Variants in OGDHL observed in about 807,000 individuals in gnomAD.
OGDHL encodes oxoglutarate dehydrogenase L.
A neutral mutation model predicts 109.6 loss-of-function variants in OGDHL; 79 were observed. The ratio of observed to expected loss-of-function variants is 0.72; its 90% CI spans 0.60 to 0.87. The LOEUF is 0.87. Ranked by LOEUF, OGDHL falls within the 40% of genes least tolerant of loss-of-function variation. OGDHL has a pLI of 0.00. For synonymous variants in OGDHL, 528 were observed against 537.2 expected (o/e 0.98, Z 0.24); for missense variants, 1,275 against 1,362.2 (o/e 0.94, Z 1.01).
chr10:49,743,118 C>T, intron 14 of OGDHL, 140 bp from the exon 15 acceptor site: 1 of 1,137,640 alleles, frequency 8.8e-7, no homozygotes. Context: ...TGCAGGAGGG[C>T]CCAGGGCCAG....
chr10:49,745,489 T>C lies in OGDHL; in HGVS notation c.1484A>G (p.Tyr495Cys). Residue 495 changes from tyrosine to cysteine, a missense_variant, in exon 12 of 23, where the codon TAC becomes TGC. Transcript: ENST00000374103. ...NKDVVVDLVC[Y>C]RRRGHNEMDE... The stretch of plus-strand genomic sequence containing the variant: ...CATCTCATTGTGGCCACGCCGGCGG[T>C]AACAGACCTGCAGGAGCAGCCAGAG... The C allele has an allele frequency of 6.2e-7, 1 of 1,613,804 alleles. No individual in the cohort carries two copies. The highest frequency in any genetic ancestry group is 8.5e-7 in the Non-Finnish European group (1 of 1,180,012).
Position 49,744,208 on chromosome 10 carries a change from C to G in OGDHL, c.1733-86G>C, listed in dbSNP as rs188274635. 3.9e-4 allele frequency: 590 copies of G among 1,511,878 alleles called. No homozygotes were observed. In the African/African-American group the frequency reaches 7.0e-3, roughly 18 times the overall value. The allele number at this position is 1,511,878 out of a possible 1,614,324, so 93.7% of individuals were successfully genotyped here. ...AGCCTGCCTCCCCAGGACTGAGTGG[C>G]CCATGGCTTCCCAAACTCCACCGGC... is the stretch of plus-strand genomic sequence containing the variant. On this transcript the variant is annotated intron_variant, in intron 13 of 22. Coordinates refer to ENST00000374103, the MANE Select transcript of OGDHL (RefSeq NM_018245.3).
chr10:49,742,735 C>G, intron 15 of OGDHL, 93 bp downstream of exon 15: 1 of 1,456,786 alleles, frequency 6.9e-7, no homozygotes, highest in Non-Finnish European at 9.2e-7. Context: ...CTGTGAAGAT[C>G]CCACCCCAAC....
intron 3 of OGDHL, 83 bp from the exon 4 acceptor site, chr10:49,752,823 C>T: frequency 1.0e-6 from 1 of 958,370 alleles, no homozygotes; most frequent in South Asian, 1.5e-5. Context: ...GCCCCAGCCC[C>T]TCTCTTCCCA....
intron 3 of OGDHL, among the ~76,000 whole-genome samples, chr10:49,753,314 G>A (rs565609983): frequency 6.6e-6 from 1 of 152,142 alleles, no homozygotes; most frequent in South Asian, 2.1e-4. Context: ...CTAGGGGAGG[G>A]GACAAAATAG....
chr10:49,758,087 G>A (rs1029977312), intron 2 of OGDHL, among the ~76,000 whole-genome samples: 81 of 152,132 alleles, frequency 5.3e-4, no homozygotes, highest in African/African-American at 1.8e-3. Flanking sequence ...ACACAAACAC[G>A]TATGTCCCTA....
At chr10:49,745,629 G>A (rs192604970) in intron 11 of OGDHL, 133 bp from the exon 12 acceptor site, 23 of 1,321,268 alleles carry the variant, frequency 1.7e-5, no homozygotes, top group Middle Eastern at 4.5e-4. Flanking sequence ...ACCTATCACC[G>A]AATGAATGTC....
At chr10:49,745,675 C>A in intron 11 of OGDHL, 123 bp downstream of exon 11, 1 of 1,320,056 alleles carries the variant, frequency 7.6e-7, no homozygotes. Flanking sequence ...CTCTTGGTGG[C>A]ATAAATCTCT....
At position 49,758,517 on chromosome 10, in the gene OGDHL, C is replaced by T. The variant is rs1434268066; in HGVS notation, c.76G>A (p.Val26Met). Residue 26 changes from valine to methionine, a missense_variant, in exon 2 of 23, where the codon GTG becomes ATG. Coordinates refer to ENST00000374103, the MANE Select transcript of OGDHL (RefSeq NM_018245.3). ...GAGGACCTGCTGCGCCAGCCAAACA[C>T]CGGGACGTCATGTGCAGCCAGGAGC... ...ARLLAAHDVP[V>M]FGWRSRSSGP... 7 of 1,613,808 alleles carry T rather than the reference C, an allele frequency of 4.3e-6. No individual in the cohort carries two copies. Among genetic ancestry groups the T allele is most frequent in the Non-Finnish European group, 5.9e-6 (7 of 1,180,052 alleles).
chr10:49,737,979 G>A lies in OGDHL; in HGVS notation c.2485C>T (p.Arg829Cys), dbSNP rs759416739. 1.1e-5 allele frequency: 17 copies of A among 1,614,074 alleles called. No individual in the cohort carries two copies. The East Asian group carries it at 1.3e-4, about 13-fold the overall frequency. ...STPANYFHVL[R>C]RQILLPFRKP... Reference sequence around the variant, plus strand: ...CGGAAGGGCAGCAGGATCTGCCGGCGCAGCACGTGGAAGTAGTTGGCCGGT... The same window carrying A: ...CGGAAGGGCAGCAGGATCTGCCGGCACAGCACGTGGAAGTAGTTGGCCGGT... The change falls in exon 19 of 23, where the codon CGC becomes TGC. Residue 829 changes from arginine to cysteine, a missense_variant. Arg to Cys is a radical substitution (Grantham distance 180). Coordinates refer to ENST00000374103, the MANE Select transcript of OGDHL (RefSeq NM_018245.3).
intron 15 of OGDHL, among the ~76,000 whole-genome samples, chr10:49,741,279 C>T (rs1031628951): frequency 1.3e-5 from 2 of 152,136 alleles, no homozygotes; most frequent in Non-Finnish European, 2.9e-5. Flanking sequence ...TCACAAGAGG[C>T]AGAAACCACC....
rs755007386 is a variant in OGDHL at position 49,738,093 on chromosome 10, T to C, written c.2392-21A>G. The stretch of plus-strand genomic sequence containing the variant: ...AATGCCTGTGGGGACGAGATGCATA[T>C]GGCCAGGGTGGCTGTCTGCTGCACC... On this transcript the variant is annotated intron_variant, in intron 18 of 22. Coordinates refer to ENST00000374103, the MANE Select transcript of OGDHL (RefSeq NM_018245.3). The C allele has an allele frequency of 5.0e-6, 8 of 1,613,994 alleles. No homozygotes were observed. In the South Asian group the frequency reaches 8.8e-5, roughly 18 times the overall value.
intron 3 of OGDHL, among the ~76,000 whole-genome samples, chr10:49,755,295 A>G (rs747493690): frequency 6.6e-6 from 1 of 152,222 alleles, no homozygotes; most frequent in Non-Finnish European, 1.5e-5. Context: ...TGTCAACTGC[A>G]TATTTGATAT....
rs537434971 is a variant in OGDHL, at chr10:49,734,844, G to A, written c.*384C>T. ...TTCTAAGAGCACAGAAGAGAACATC[G>A]CTTTGAATCTACAGATAAGCGAGGG... On this transcript the variant is annotated 3_prime_UTR_variant, in exon 23 of 23. Coordinates refer to ENST00000374103, the MANE Select transcript of OGDHL (RefSeq NM_018245.3). 41 of 162,694 alleles carry A rather than the reference G, an allele frequency of 2.5e-4. No homozygotes were observed. Among genetic ancestry groups the A allele is most frequent in the Admixed American group, 1.3e-3 (21 of 16,084 alleles). 10.1% of individuals were successfully genotyped at this position (162,694 alleles called of 1,614,324 possible).
intron 2 of OGDHL, among the ~76,000 whole-genome samples, 194 bp from the exon 3 acceptor site, chr10:49,757,140 A>G (rs1564560834): frequency 2.0e-5 from 3 of 152,250 alleles, no homozygotes; most frequent in Admixed American, 2.0e-4. Flanking sequence ...TGTGAAAACA[A>G]CCTACATGGC....
At chr10:49,747,344 T>C (rs1318296873) in intron 8 of OGDHL, 136 bp from the exon 9 acceptor site, 2 of 900,604 alleles carry the variant, frequency 2.2e-6, no homozygotes, top group Non-Finnish European at 1.7e-6. Flanking sequence ...AAGCTGTCTC[T>C]GACCCCTCTC....
Position 49,745,804 on chromosome 10 carries a change from C to T in OGDHL, c.1470G>A (p.Val490=), listed in dbSNP as rs774959115. The T allele has an allele frequency of 3.7e-6, 6 of 1,614,032 alleles. No homozygotes were observed. Among genetic ancestry groups the T allele is most frequent in the South Asian group, 2.2e-5 (2 of 91,056 alleles). ...WRNTFNKDVV[V]DLVCYRRRGH... is the part of the protein sequence containing the mutation. ...CCTCAGTCCCCAGACCCACCAGGTC[C>T]ACGACAACATCTTTGTTGAAAGTGT... is the stretch of plus-strand genomic sequence containing the variant. Residue 490 remains valine, a synonymous_variant, in exon 11 of 23, where the codon GTG becomes GTA. Transcript: ENST00000374103.
At position 49,736,251 on chromosome 10, in the gene OGDHL, C is replaced by G. The variant is rs1169134611; in HGVS notation, c.2755-74G>C. On this transcript the variant is annotated intron_variant, in intron 21 of 22. Transcript: ENST00000374103. ...CCCCAGCACCCCCGGACAGGAGGCA[C>G]AGGGCCTCACCGGCCTTCATCTGGC... The G allele has an allele frequency of 1.9e-6, 3 of 1,575,330 alleles. No homozygotes were observed. The Admixed American group carries it at 5.2e-5, about 27-fold the overall frequency.
intron 1 of OGDHL, among the ~76,000 whole-genome samples, chr10:49,761,924 G>T (rs1174245866): frequency 1.3e-5 from 2 of 152,186 alleles, no homozygotes; most frequent in Admixed American, 6.5e-5. Context: ...CCCTGGCCAC[G>T]GAAGGCGCGG....
Sources: allele counts gnomAD v4.1 joint callset (sites outside exome capture counted in the v4.1 genomes callset), GRCh38; gene constraint gnomAD v4.1.1; transcripts MANE v1.5; gene names NCBI Gene and HGNC (gene_info 2026-07-23, HGNC 2026-07-21).